G3BP2: variants seen among roughly 807,000 people sequenced by gnomAD.
The protein encoded by G3BP2 is ras GTPase-activating protein-binding protein 2.
In G3BP2, 11 loss-of-function variants were observed where a neutral mutation model predicts 56.7. That is an observed-to-expected ratio of 0.19 (90% CI 0.12 to 0.32). G3BP2 has a LOEUF of 0.32. Ranked by LOEUF, G3BP2 falls within the 10% of genes least tolerant of loss-of-function variation. The probability of loss-of-function intolerance (pLI) is 1.00; values close to 1 mark genes in which losing one functional copy is unlikely to be tolerated. For synonymous variants in G3BP2, 165 were observed against 191.6 expected (o/e 0.86, Z 1.15); for missense variants, 340 against 610.9 (o/e 0.56, Z 4.67).
intron 4 of G3BP2, among the ~76,000 whole-genome samples, chr4:75,657,263 G>A (rs2148983583): frequency 6.6e-6 from 1 of 152,214 alleles, no homozygotes; most frequent in Middle Eastern, 3.4e-3. Context: ...TAATAGAAAA[G>A]AAACCAAAAG....
At chr4:75,692,974 C>T (rs756561406) in intron 3 of G3BP2, among the ~76,000 whole-genome samples, 4 of 152,182 alleles carry the variant, frequency 2.6e-5, no homozygotes, top group East Asian at 1.9e-4. Context: ...CAGCCAGGCG[C>T]GGTGGCTCAC....
chr4:75,669,515 A>C (rs1733315051), intron 1 of G3BP2, among the ~76,000 whole-genome samples: 1 of 152,152 alleles, frequency 6.6e-6, no homozygotes, highest in African/African-American at 2.4e-5. Context: ...GTAAAATCCA[A>C]ACACCTGCAT....
chr4:75,696,897 T>A (rs1022986655), intron 3 of G3BP2, among the ~76,000 whole-genome samples: 19 of 152,196 alleles, frequency 1.2e-4, no homozygotes, highest in Non-Finnish European at 1.3e-4. Flanking sequence ...AGTAAGTAGT[T>A]AAAGATGGTC....
chr4:75,695,610 G>C (rs572705739), intron 3 of G3BP2, among the ~76,000 whole-genome samples: 1 of 152,238 alleles, frequency 6.6e-6, no homozygotes, highest in South Asian at 2.1e-4. Flanking sequence ...AGCCTATAGA[G>C]GAGCCACATT....
intron 3 of G3BP2, among the ~76,000 whole-genome samples, chr4:75,698,995 C>T (rs947098830): frequency 1.6e-4 from 25 of 152,090 alleles, no homozygotes; most frequent in Non-Finnish European, 1.0e-4. Context: ...TGGCCCAGAA[C>T]GTTGAAACTC....
At chr4:75,651,525 A>G (rs1235699128) in intron 8 of G3BP2, among the ~76,000 whole-genome samples, 1 of 152,216 alleles carries the variant, frequency 6.6e-6, no homozygotes, top group Non-Finnish European at 1.5e-5. Flanking sequence ...ATGCCAGTTT[A>G]AGAAAAATAC....
chr4:75,668,193 C>A (rs994277085), intron 1 of G3BP2, among the ~76,000 whole-genome samples: 9 of 152,118 alleles, frequency 5.9e-5, no homozygotes, highest in African/African-American at 1.7e-4. Flanking sequence ...GACATACATG[C>A]AGATTAGAAA....
chr4:75,715,671 T>C lies in G3BP2; in HGVS notation c.-25+5206A>G, dbSNP rs1478926782. ...AGAGGCTGAGGCTCAAAAAGCTTCA[T>C]GCAACAGAGTTAAAGGTGCAGGAAA... On this transcript the variant is annotated intron_variant, in intron 3 of 3. Coordinates refer to the G3BP2 transcript ENST00000499709. Among the ~76,000 whole-genome samples the C allele has an allele frequency of 2.6e-5, 4 of 152,214 alleles. No homozygotes were observed. In the South Asian group the frequency reaches 6.2e-4, roughly 24 times the overall value.
At position 75,673,340 on chromosome 4, in the gene G3BP2, C is replaced by T. The variant is rs1440670280; in HGVS notation, c.-157G>A. The T allele has an allele frequency of 1.6e-6, 2 of 1,230,934 alleles. No individual in the cohort carries two copies. Among genetic ancestry groups the T allele is most frequent in the African/African-American group, 1.6e-5 (1 of 64,406 alleles). The allele number at this position is 1,230,934 out of a possible 1,614,324, so 76.3% of individuals were successfully genotyped here. A position where few individuals can be genotyped will look rare whatever the true frequency, so the allele number is the denominator to read the frequency against. On this transcript the variant is annotated 5_prime_UTR_variant, in exon 1 of 12. Coordinates refer to ENST00000359707, the MANE Select transcript of G3BP2 (RefSeq NM_203505.3). ...GGAAGCCTCGGAAGCCGGAGAGCCGCGAGTTCGTCTGCCTCACAACCACCT... is the reference window on the plus strand; with the variant it reads ...GGAAGCCTCGGAAGCCGGAGAGCCGTGAGTTCGTCTGCCTCACAACCACCT...
chr4:75,718,813 G>A (rs1720029178), intron 3 of G3BP2, among the ~76,000 whole-genome samples: 2 of 152,102 alleles, frequency 1.3e-5, no homozygotes, highest in African/African-American at 4.8e-5. Context: ...AGTCTTTGAT[G>A]AACTTGGGCC....
chr4:75,720,271 C>T (rs11097085), intron 3 of G3BP2, among the ~76,000 whole-genome samples: 135,460 of 151,650 alleles, frequency 0.89, 60,535 homozygotes, highest in African/African-American at 0.93. Context: ...TCCCAGCACT[C>T]TGGGAGGCCG....
chr4:75,714,583 G>A (rs1456264515), intron 3 of G3BP2, among the ~76,000 whole-genome samples: 1 of 151,986 alleles, frequency 6.6e-6, no homozygotes, highest in Non-Finnish European at 1.5e-5. Flanking sequence ...AGCCAAGATC[G>A]CACCACCGCA....
Position 75,654,025 on chromosome 4 carries a change from A to C in G3BP2, c.783T>G (p.Ser261=). ...TAACATGGGGTGGAATTCCAGAGGA[A>C]GAAACAGTACCACTAGGAGGCAGGT... ...SKNLPPSGTV[S]SSGIPPHVKA... The change falls in exon 8 of 12, where the codon TCT becomes TCG. Residue 261 remains serine, a synonymous_variant. Coordinates refer to ENST00000359707, the MANE Select transcript of G3BP2 (RefSeq NM_203505.3). 1 of 1,599,006 alleles carries C rather than the reference A, an allele frequency of 6.3e-7. No individual in the cohort carries two copies. Among genetic ancestry groups the C allele is most frequent in the South Asian group, 1.1e-5 (1 of 90,692 alleles).
chr4:75,652,669 T>C (rs1031496396), intron 8 of G3BP2, among the ~76,000 whole-genome samples: 1 of 152,136 alleles, frequency 6.6e-6, no homozygotes, highest in African/African-American at 2.4e-5. Context: ...ACATATGGAC[T>C]CATGTCCCAC....
chr4:75,682,982 CA>C (rs36085589), intron 3 of G3BP2, among the ~76,000 whole-genome samples: 301 of 126,028 alleles, frequency 2.4e-3, no homozygotes, highest in Admixed American at 3.1e-3. Context: ...GACTCCGTCT[CA>C]AAAAAAAAAA....
chr4:75,653,102 GAAAAA>G (rs757052448), intron 8 of G3BP2, among the ~76,000 whole-genome samples: 2 of 121,308 alleles, frequency 1.6e-5, no homozygotes, highest in African/African-American at 6.0e-5. Context: ...ATACCCAAAT[GAAAAA>G]AAAAAAAAAG....
chr4:75,715,951 C>A (rs576294547), intron 3 of G3BP2, among the ~76,000 whole-genome samples: 1 of 152,312 alleles, frequency 6.6e-6, no homozygotes, highest in Non-Finnish European at 1.5e-5. Flanking sequence ...AGCACCCTCA[C>A]ATGAAGGAGA....
chr4:75,694,123 T>TA, intron 3 of G3BP2, among the ~76,000 whole-genome samples: 1 of 152,246 alleles, frequency 6.6e-6, no homozygotes, highest in Non-Finnish European at 1.5e-5. Flanking sequence ...ATGAATGAAT[T>TA]AAAGTGGAAA....
chr4:75,648,130 A>T (rs959606261), intron 9 of G3BP2, among the ~76,000 whole-genome samples: 6 of 152,086 alleles, frequency 3.9e-5, no homozygotes, highest in Non-Finnish European at 8.8e-5. Flanking sequence ...AGGGCAGATC[A>T]TGAGGTCAGC....
Sources: gnomAD v4.1 joint callset for allele counts (sites outside exome capture counted in the v4.1 genomes callset) on GRCh38, gnomAD v4.1.1 for gene constraint, MANE v1.5 for transcripts, NCBI Gene and HGNC (gene_info 2026-07-23, HGNC 2026-07-21) for gene names.